PARVG: variants seen among roughly 807,000 people sequenced by gnomAD.
The protein encoded by PARVG is parvin gamma.
In PARVG, 36 loss-of-function variants were observed where a neutral mutation model predicts 44.4. The observed-to-expected ratio is 0.81, with a 90% CI of 0.62 to 1.07. The LOEUF (loss-of-function observed/expected upper bound fraction) is 1.07. PARVG is among the 50% of genes least tolerant of loss of function. The pLI is 0.00. For missense variants in PARVG, 407 were observed against 407.4 expected (o/e 1.00, Z 0.01); for synonymous variants, 170 against 174.1 (o/e 0.98, Z 0.19).
At position 44,183,782 on chromosome 22, in the gene PARVG, C is replaced by T. The variant is rs115669933; in HGVS notation, c.79+374C>T. On this transcript the variant is annotated intron_variant, in intron 3 of 13. Transcript: ENST00000444313. The stretch of plus-strand genomic sequence containing the variant: ...GAGGAAACTGAGGCACAAGGGGTGA[C>T]GTGCCACAGTAACAGGAAACTCTTA... 9.5e-4 allele frequency: 378 copies of T among 398,826 alleles called. 3 individuals are homozygous for T. Among genetic ancestry groups the T allele is most frequent in the African/African-American group, 6.7e-3 (328 of 48,692 alleles). 24.7% of individuals were successfully genotyped at this position (398,826 alleles called of 1,614,324 possible).
Position 44,189,200 on chromosome 22 carries a change from G to T in PARVG, c.334G>T (p.Ala112Ser), listed in dbSNP as rs766891699. 2.9e-5 allele frequency: 47 copies of T among 1,614,248 alleles called. No homozygotes were observed. The East Asian group carries it at 1.0e-3, about 35-fold the overall frequency. Residue 112 changes from alanine to serine, a missense_variant, in exon 6 of 14, where the codon GCC (alanine) becomes TCC (serine). By Grantham distance (99) the Ala-to-Ser change is moderately conservative. Coordinates refer to ENST00000444313, the MANE Select transcript of PARVG (RefSeq NM_022141.7). ...QKHKLTVVLE[A>S]VNRSLQLEEW... ...GCACAAGCTCACAGTGGTGCTGGAG[G>T]CCGTGAACCGGAGTCTGCAGCTGGA...
chr22:44,173,429 C>T (rs550766047), intron 1 of PARVG, among the ~76,000 whole-genome samples: 1 of 152,222 alleles, frequency 6.6e-6, no homozygotes, highest in East Asian at 1.9e-4. Context: ...GCCATAAACT[C>T]TCCTTGGCAC....
At chr22:44,191,053 T>C (rs973190964) in intron 7 of PARVG, among the ~76,000 whole-genome samples, 1 of 152,230 alleles carries the variant, frequency 6.6e-6, no homozygotes, top group African/African-American at 2.4e-5. Flanking sequence ...GCTCTCACCA[T>C]GAGGGTACTG....
chr22:44,187,600 G>A (rs994891378), intron 4 of PARVG, 176 bp from the exon 5 acceptor site: 13 of 641,306 alleles, frequency 2.0e-5, no homozygotes, highest in African/African-American at 1.3e-4. Context: ...CAGGAACCTG[G>A]GGCAGGCCCC....
intron 6 of PARVG, among the ~76,000 whole-genome samples, chr22:44,189,459 C>T (rs1167104136): frequency 1.3e-5 from 2 of 152,192 alleles, no homozygotes; most frequent in Non-Finnish European, 2.9e-5. Flanking sequence ...CATCTGTGCC[C>T]TAGAGGGTGT....
chr22:44,194,911 A>G (rs1459322352), intron 9 of PARVG, among the ~76,000 whole-genome samples: 7 of 152,074 alleles, frequency 4.6e-5, no homozygotes, highest in African/African-American at 1.4e-4. Context: ...CCACCTATTC[A>G]TCCACCCATT....
rs914314842 is a variant in PARVG, at chr22:44,188,776, A to G, written c.248-338A>G. The G allele has an allele frequency of 1.9e-5, 6 of 322,314 alleles. No individual in the cohort carries two copies. The East Asian group carries it at 2.9e-4, about 16-fold the overall frequency. 20.0% of individuals were successfully genotyped at this position (322,314 alleles called of 1,614,324 possible). ...CACTAGGCCACACTGCCCTGCAGAG[A>G]TGAAGTGGACACAGCTGTGCAGAAG... On this transcript the variant is annotated intron_variant, in intron 5 of 13. Transcript: ENST00000444313.
At chr22:44,183,080 T>C in intron 2 of PARVG, 1 of 512,900 alleles carries the variant, frequency 1.9e-6, no homozygotes. Flanking sequence ...GCCAAGCCTT[T>C]GCTTGGCTGT....
chr22:44,196,722 A>T (rs1331937745), intron 11 of PARVG, among the ~76,000 whole-genome samples: 1 of 152,182 alleles, frequency 6.6e-6, no homozygotes, highest in African/African-American at 2.4e-5. Flanking sequence ...CCAAGACTTG[A>T]AGCATATGAG....
intron 11 of PARVG, 88 bp from the exon 12 acceptor site, chr22:44,198,533 C>A: frequency 1.0e-6 from 1 of 986,548 alleles, no homozygotes; most frequent in Non-Finnish European, 1.6e-6. Context: ...AGTTGTATGA[C>A]TTCCTTAGGG....
intron 1 of PARVG, among the ~76,000 whole-genome samples, chr22:44,173,989 A>G (rs1444213139): frequency 6.6e-6 from 1 of 152,166 alleles, no homozygotes; most frequent in African/African-American, 2.4e-5. Flanking sequence ...AACTGTTACT[A>G]TTGATGAGGA....
intron 12 of PARVG, among the ~76,000 whole-genome samples, chr22:44,201,088 C>A (rs1432100654): frequency 6.6e-6 from 1 of 152,174 alleles, no homozygotes; most frequent in Non-Finnish European, 1.5e-5. Context: ...CACATCCACG[C>A]AGGCTGTGCT....
At chr22:44,205,493 G>C (rs2054768297) in intron 12 of PARVG, among the ~76,000 whole-genome samples, 1 of 152,224 alleles carries the variant, frequency 6.6e-6, no homozygotes, top group African/African-American at 2.4e-5. Flanking sequence ...GCAAGCGTGT[G>C]CCCAGTGTGG....
chr22:44,175,594 G>A (rs2054311392), intron 1 of PARVG, among the ~76,000 whole-genome samples: 2 of 152,220 alleles, frequency 1.3e-5, no homozygotes, highest in African/African-American at 4.8e-5. Context: ...AGGGGGTGGG[G>A]AATCCCTGTG....
At chr22:44,196,594 ATGGTG>A (rs2054620988) in intron 11 of PARVG, among the ~76,000 whole-genome samples, 179 bp downstream of exon 11, 1 of 132,044 alleles carries the variant, frequency 7.6e-6, no homozygotes, top group South Asian at 2.4e-4. Flanking sequence ...CACCAGGGAC[ATGGTG>A]GGATCCCGGG....
chr22:44,182,368 C>T lies in PARVG; in HGVS notation c.-13+451C>T, dbSNP rs963075905. On this transcript the variant is annotated intron_variant, in intron 2 of 13. Coordinates refer to ENST00000444313, the MANE Select transcript of PARVG (RefSeq NM_022141.7). This position sits in a 1 kb window ranked among gnomAD's most constrained non-coding sequence, Gnocchi z 4.6. ...TCCTGACGCCCAGGCCAGGCTCTTTCGTTTTCTCTGGCCATGGCCCTCAGC... is the reference window on the plus strand; with the variant it reads ...TCCTGACGCCCAGGCCAGGCTCTTTTGTTTTCTCTGGCCATGGCCCTCAGC... 4.6e-5 allele frequency among the ~76,000 whole-genome samples: 7 copies of T among 152,182 alleles called. No homozygotes were observed. The highest frequency in any genetic ancestry group is 1.2e-4 in the African/African-American group (5 of 41,462).
rs146913691 is a variant in PARVG at position 44,194,702 on chromosome 22, C to T, written c.583+879C>T. Among the ~76,000 whole-genome samples, 891 of 151,490 alleles carry T rather than the reference C, an allele frequency of 5.9e-3. 5 individuals are homozygous for T. Among genetic ancestry groups the T allele is most frequent in the African/African-American group, 0.02 (814 of 41,330 alleles). On this transcript the variant is annotated intron_variant, in intron 9 of 13. Coordinates refer to ENST00000444313, the MANE Select transcript of PARVG (RefSeq NM_022141.7). ...TCCATCCATCCATCCACCCACCCAC[C>T]TATCCACGCATTCATCCATCCATCC...
At chr22:44,192,216 T>C in intron 8 of PARVG, 112 bp downstream of exon 8, 1 of 1,238,982 alleles carries the variant, frequency 8.1e-7, no homozygotes, top group Middle Eastern at 2.8e-4. Flanking sequence ...GCCCTCACAT[T>C]CTGTGGCTTT....
chr22:44,180,209 T>G (rs190740496), upstream of PARVG, among the ~76,000 whole-genome samples: 2 of 152,270 alleles, frequency 1.3e-5, no homozygotes, highest in Non-Finnish European at 2.9e-5. Context: ...TCTTAGAGCT[T>G]CAGTGATTCT....
Sources: allele counts gnomAD v4.1 joint callset (sites outside exome capture counted in the v4.1 genomes callset), GRCh38; gene constraint gnomAD v4.1.1; non-coding constraint Gnocchi (gnomAD v3.1); transcripts MANE v1.5; gene names NCBI Gene and HGNC (gene_info 2026-07-23, HGNC 2026-07-21).